The following USP34 variants were observed in gnomAD, a reference collection of about 807,000 sequenced individuals.
The protein encoded by USP34 is ubiquitin carboxyl-terminal hydrolase 34.
In USP34, 70 loss-of-function variants were observed where a neutral mutation model predicts 460.3. The ratio of observed to expected loss-of-function variants is 0.15; its 90% CI spans 0.13 to 0.19. The LOEUF is 0.19. Ranked by LOEUF, USP34 falls within the 10% of genes least tolerant of loss-of-function variation. USP34 has a pLI of 1.00. For missense variants in USP34, 3,985 were observed against 4,236.2 expected (o/e 0.94, Z 1.65); for synonymous variants, 1,647 against 1,405.3 (o/e 1.17, Z -3.85).
At chr2:61,442,934 C>CACACACAG (rs3220962) in intron 1 of USP34, among the ~76,000 whole-genome samples, 1 of 146,470 alleles carries the variant, frequency 6.8e-6, no homozygotes, top group Non-Finnish European at 1.5e-5. Flanking sequence ...CACACACACA[C>CACACACAG]AGAGGAATAT....
intron 18 of USP34, among the ~76,000 whole-genome samples, chr2:61,338,015 G>T (rs925831972): frequency 6.6e-5 from 10 of 152,090 alleles, no homozygotes; most frequent in Non-Finnish European, 1.5e-4. Flanking sequence ...GCCATTAAAA[G>T]AATTATTTTC....
At chr2:61,236,096 A>C (rs1296119127) in intron 55 of USP34, 23 bp from the exon 56 acceptor site, 2 of 1,596,908 alleles carry the variant, frequency 1.3e-6, no homozygotes, top group Non-Finnish European at 1.7e-6. Context: ...ATAAAGCAAA[A>C]AAGCTTCAAT....
chr2:61,398,848 G>T (rs968776895), intron 3 of USP34, among the ~76,000 whole-genome samples: 3 of 152,128 alleles, frequency 2.0e-5, no homozygotes, highest in Non-Finnish European at 4.4e-5. Flanking sequence ...AAGTCTCAAA[G>T]TAAGTGTTAA....
At chr2:61,290,275 T>A (rs137877681) in intron 33 of USP34, among the ~76,000 whole-genome samples, 6 of 152,258 alleles carry the variant, frequency 3.9e-5, no homozygotes, top group East Asian at 3.9e-4. Flanking sequence ...GAAAAACAGT[T>A]TGGCATCTTC....
At chr2:61,380,856 A>T (rs1159632758) in intron 6 of USP34, among the ~76,000 whole-genome samples, 1 of 152,202 alleles carries the variant, frequency 6.6e-6, no homozygotes, top group Non-Finnish European at 1.5e-5. Context: ...CTGATGCTCC[A>T]ACTGACATGA....
rs1272478401 is a variant in USP34, at chr2:61,187,619, C to A, written c.*483G>T. 2.6e-6 allele frequency: 2 copies of A among 758,902 alleles called. No individual in the cohort carries two copies. Among genetic ancestry groups the A allele is most frequent in the Non-Finnish European group, 3.2e-6 (2 of 623,060 alleles). The allele number at this position is 758,902 out of a possible 1,614,324, so 47.0% of individuals were successfully genotyped here. The stretch of plus-strand genomic sequence containing the variant: ...AAAGCACCATTTATATACTGCCAGG[C>A]CACAGCTAAAGAGGATTCTTTACAG... On this transcript the variant is annotated 3_prime_UTR_variant, in exon 80 of 80. Coordinates refer to ENST00000398571, the MANE Select transcript of USP34 (RefSeq NM_014709.4).
At chr2:61,424,187 G>A (rs1247941377) in intron 1 of USP34, among the ~76,000 whole-genome samples, 1 of 152,100 alleles carries the variant, frequency 6.6e-6, no homozygotes, top group Non-Finnish European at 1.5e-5. Flanking sequence ...TTGCTCTCTT[G>A]GACCTCTACT....
In USP34 at chr2:61,187,526, CAATAAA is replaced by C; in HGVS notation, c.*570_*575del. 3 of 981,494 alleles carry C rather than the reference CAATAAA, an allele frequency of 3.1e-6. No individual in the cohort carries two copies. The highest frequency in any genetic ancestry group is 3.6e-6 in the Non-Finnish European group (3 of 826,020). 60.8% of individuals were successfully genotyped at this position (981,494 alleles called of 1,614,324 possible). On this transcript the variant is annotated 3_prime_UTR_variant, in exon 80 of 80. Transcript: ENST00000398571. ...ATAGCAATCAATCAATCAGTCATGTCAATAAAAATAAAACAATTATTTTTACATCAA... is the reference window on the plus strand; with the variant it reads ...ATAGCAATCAATCAATCAGTCATGTCAATAAAACAATTATTTTTACATCAA...
At chr2:61,299,994 C>G (rs1316306219) in intron 29 of USP34, among the ~76,000 whole-genome samples, 1 of 152,164 alleles carries the variant, frequency 6.6e-6, no homozygotes, top group African/African-American at 2.4e-5. Context: ...TTCCCTACTC[C>G]TAAAACCCAA....
Position 61,429,362 on chromosome 2 carries a change from G to T in USP34, c.44-8529C>A, listed in dbSNP as rs1214137410. ...CTTGGGAGGCTGAGGCAGGAGAATG[G>T]CATGAACCCAGGAGGCAGACCTTGC... is the stretch of plus-strand genomic sequence containing the variant. On this transcript the variant is annotated intron_variant, in intron 1 of 79. Transcript: ENST00000398571. Among the ~76,000 whole-genome samples, 3 of 152,042 alleles carry T rather than the reference G, an allele frequency of 2.0e-5. No individual in the cohort carries two copies. In the East Asian group the frequency reaches 5.8e-4, roughly 30 times the overall value.
intron 10 of USP34, among the ~76,000 whole-genome samples, chr2:61,352,534 C>G (rs1203757394): frequency 2.0e-5 from 3 of 151,278 alleles, no homozygotes; most frequent in African/African-American, 4.9e-5. Flanking sequence ...ATGATATTGC[C>G]CAGTCTAATT....
At chr2:61,258,308 AGT>A (rs1688776332) in intron 44 of USP34, among the ~76,000 whole-genome samples, 12 of 152,234 alleles carry the variant, frequency 7.9e-5, no homozygotes, top group Admixed American at 7.8e-4. Flanking sequence ...TGGGTGACAG[AGT>A]GAGACCCTGC....
At chr2:61,448,921 A>AAGGCAGGTGGATCACCTGAGGTTGG (rs1247894370) in intron 1 of USP34, among the ~76,000 whole-genome samples, 1 of 152,204 alleles carries the variant, frequency 6.6e-6, no homozygotes, top group African/African-American at 2.4e-5. Context: ...CTGGGAGGCC[A>AAGGCAGGTGGATCACCTGAGGTTGG]AGGCAGGTGG....
intron 75 of USP34, chr2:61,194,139 A>C (rs1268574938): frequency 3.0e-6 from 3 of 985,286 alleles, no homozygotes; most frequent in African/African-American, 3.5e-5. Flanking sequence ...TACACAGGCA[A>C]GTCAGGTCAC....
rs554653056 is a variant in USP34 at position 61,364,948 on chromosome 2, TATAA to T, written c.1251+5369_1251+5372del. Among the ~76,000 whole-genome samples, 7 of 148,696 alleles carry T rather than the reference TATAA, an allele frequency of 4.7e-5. 1 individual carries two copies. In the South Asian group the frequency reaches 1.1e-3, roughly 23 times the overall value. ...CTGTCTCAAAAAAATAATTTAAAAATATAAATAAATAAATAAATAAATAGGCTGG... is the reference window on the plus strand; with the variant it reads ...CTGTCTCAAAAAAATAATTTAAAAATATAAATAAATAAATAAATAGGCTGG... On this transcript the variant is annotated intron_variant, in intron 10 of 79. Transcript: ENST00000398571.
rs1381455213 is a variant in USP34, at chr2:61,350,582, C to T, written c.1363G>A (p.Val455Ile). Residue 455 changes from valine to isoleucine, a missense_variant, in exon 11 of 80, where the codon GTT becomes ATT. Physicochemically the swap from Val to Ile is conservative, Grantham distance 29. Coordinates refer to ENST00000398571, the MANE Select transcript of USP34 (RefSeq NM_014709.4). ...GAATGTATTACCTGTTCAGTATGAA[C>T]ACTTGGCTCAAGAGCTGAGACCAGA... Reference protein sequence around the residue: ...LNLVSALEPSVHTEQTLYLAS... With the variant: ...LNLVSALEPSIHTEQTLYLAS... 2 of 1,610,254 alleles carry T rather than the reference C, an allele frequency of 1.2e-6. No individual in the cohort carries two copies. Among genetic ancestry groups the T allele is most frequent in the Non-Finnish European group, 1.7e-6 (2 of 1,179,156 alleles).
At chr2:61,308,344 G>C (rs762948401) in intron 27 of USP34, among the ~76,000 whole-genome samples, 3 of 151,994 alleles carry the variant, frequency 2.0e-5, no homozygotes, top group Non-Finnish European at 2.9e-5. Context: ...AGAGAAAAAA[G>C]AGCTCTTAGA....
chr2:61,435,308 A>AAAAAG (rs1694782216), intron 1 of USP34, among the ~76,000 whole-genome samples: 1 of 55,908 alleles, frequency 1.8e-5, no homozygotes, highest in African/African-American at 8.5e-5. Context: ...ACCTTGTTTC[A>AAAAAG]AAAAAAAAAA....
At chr2:61,356,346 A>G (rs899319793) in intron 10 of USP34, among the ~76,000 whole-genome samples, 5 of 152,126 alleles carry the variant, frequency 3.3e-5, no homozygotes, top group African/African-American at 1.2e-4. Context: ...AAACTTAGTC[A>G]GGCACGGTGG....
Sources: allele counts gnomAD v4.1 joint callset (sites outside exome capture counted in the v4.1 genomes callset), GRCh38; gene constraint gnomAD v4.1.1; transcripts MANE v1.5; gene names NCBI Gene and HGNC (gene_info 2026-07-23, HGNC 2026-07-21).